USP20: variants seen among roughly 807,000 people sequenced by gnomAD.
The protein encoded by USP20 is ubiquitin specific peptidase 20, also known as ubiquitin carboxyl-terminal hydrolase 20.
In USP20, 80 loss-of-function variants were observed where a neutral mutation model predicts 124.2. The observed-to-expected ratio is 0.64, with a 90% CI of 0.54 to 0.78. USP20 has a LOEUF of 0.78. Among genes scored for constraint, USP20 ranks in the 30% least tolerant of loss-of-function variants. The probability of loss-of-function intolerance (pLI) is 0.00; values close to 1 mark genes in which losing one functional copy is unlikely to be tolerated. For missense variants in USP20, 1,043 were observed against 1,244.4 expected, an observed-to-expected ratio of 0.84 and a Z score of 2.44; for synonymous variants, 481 against 512.3, an observed-to-expected ratio of 0.94 and a Z score of 0.83.
Position 129,875,469 on chromosome 9 carries a change from C to T in USP20, c.2208C>T (p.Cys736=), listed in dbSNP as rs2034347609. ...CCATCACCAACCAGACCTTCCTCTG[C>T]TCCCACGGAGGTGAGGCGCCCCCTG... The part of the protein sequence containing the change: ...PGPITNQTFL[C]SHGGIPPHKY... Residue 736 remains cysteine (C), a synonymous_variant, in exon 20 of 26, where the codon TGC becomes TGT. Coordinates refer to ENST00000372429, the MANE Select transcript of USP20 (RefSeq NM_001110303.4). 1.2e-6 allele frequency: 2 copies of T among 1,613,072 alleles called. No individual in the cohort carries two copies. Among genetic ancestry groups the T allele is most frequent in the African/African-American group, 1.3e-5 (1 of 75,038 alleles).
chr9:129,868,980 A>G lies in USP20; in HGVS notation c.1254A>G (p.Ala418=), dbSNP rs1368009312. Residue 418 remains alanine (A), a synonymous_variant, in exon 12 of 26, where the codon GCA becomes GCG. Transcript: ENST00000372429. ...CTCGTGCAAGCCCCGTGAGGATGGC[A>G]CCGTCGTACGTGCTCAAGAAAGGTT... ...SPPRASPVRM[A]PSYVLKKAQV... 6.2e-6 allele frequency: 10 copies of G among 1,611,480 alleles called. No homozygotes were observed.
At chr9:129,873,071 T>TTTC (rs201859648) in intron 15 of USP20, among the ~76,000 whole-genome samples, 3 of 93,484 alleles carry the variant, frequency 3.2e-5, no homozygotes, top group South Asian at 4.4e-4. Context: ...TCTTTTTCTT[T>TTTC]TTCTTCTTCT....
At position 129,871,723 on chromosome 9, in the gene USP20, G is replaced by A. The variant is rs2034137842; in HGVS notation, c.1660+1176G>A. Among the ~76,000 whole-genome samples the A allele has an allele frequency of 3.9e-5, 6 of 152,196 alleles. No individual in the cohort carries two copies. The South Asian group carries it at 1.2e-3, about 32-fold the overall frequency. On this transcript the variant is annotated intron_variant, in intron 15 of 25. Coordinates refer to ENST00000372429, the MANE Select transcript of USP20 (RefSeq NM_001110303.4). ...TTGTGCGTTTTTTTTGTTTTGTTTT[G>A]TTTTGTTTTTGAGACGGAGTCTCTC...
intron 14 of USP20, 164 bp downstream of exon 14, chr9:129,870,008 A>G: frequency 1.3e-6 from 1 of 782,320 alleles, no homozygotes; most frequent in Non-Finnish European, 2.0e-6. Flanking sequence ...TATGCAGGGG[A>G]TTTCTTGGCT....
chr9:129,880,223 G>C lies in USP20; in HGVS notation c.2695G>C (p.Glu899Gln). Residue 899 changes from glutamate (E) to glutamine (Q), a missense_variant, in exon 25 of 26, where the codon GAG (glutamate) becomes CAG (glutamine). By Grantham distance (29) the Glu-to-Gln change is conservative. Transcript: ENST00000372429. ...RQSVAQPLGP[E>Q]NLHGEQKIEA... ...GAGTGTGGCGCAGCCGCTGGGCCCAGAGAACCTGCACGGGGAGCAGAAGAT... is the reference window on the plus strand; with the variant it reads ...GAGTGTGGCGCAGCCGCTGGGCCCACAGAACCTGCACGGGGAGCAGAAGAT... 3 of 1,613,302 alleles carry C rather than the reference G, an allele frequency of 1.9e-6. No individual in the cohort carries two copies. Among genetic ancestry groups the C allele is most frequent in the Non-Finnish European group, 2.5e-6 (3 of 1,179,858 alleles).
intron 14 of USP20, 85 bp from the exon 15 acceptor site, chr9:129,870,368 C>G: frequency 6.9e-7 from 1 of 1,442,728 alleles, no homozygotes; most frequent in Non-Finnish European, 9.6e-7. Context: ...GCGGCTCAGG[C>G]CTGACAGACC....
chr9:129,874,945 C>T lies in USP20; in HGVS notation c.2038C>T (p.Leu680Phe), dbSNP rs1341650928. The T allele has an allele frequency of 1.9e-6, 3 of 1,613,710 alleles. No individual in the cohort carries two copies. Among genetic ancestry groups the T allele is most frequent in the African/African-American group, 1.3e-5 (1 of 74,936 alleles). The change falls in exon 19 of 26, where the codon CTC becomes TTC. Residue 680 changes from leucine to phenylalanine, a missense_variant. Transcript: ENST00000372429. ...TVVQNAEGYV[L>F]FYRKSSEEAM... is the part of the protein sequence containing the mutation. ...GGTGCAGAACGCCGAGGGCTACGTA[C>T]TCTTCTACAGGTGGGCGCTGGGCCA... is the stretch of plus-strand genomic sequence containing the variant.
intron 9 of USP20, among the ~76,000 whole-genome samples, chr9:129,864,219 A>G (rs749171412): frequency 8.5e-5 from 13 of 152,150 alleles, no homozygotes; most frequent in Non-Finnish European, 1.6e-4. Flanking sequence ...CTGTAAATCC[A>G]GCACTTTGGG....
chr9:129,871,423 TCC>T (rs1230077565), intron 15 of USP20, among the ~76,000 whole-genome samples: 1 of 152,218 alleles, frequency 6.6e-6, no homozygotes, highest in Admixed American at 6.5e-5. Flanking sequence ...TATTCGTTCA[TCC>T]GTCAGTGGAC....
intron 14 of USP20, 133 bp from the exon 15 acceptor site, chr9:129,870,320 C>T (rs538741565): frequency 4.1e-5 from 37 of 913,108 alleles, no homozygotes; most frequent in Admixed American, 7.2e-5. Flanking sequence ...CCCGACCCGC[C>T]GTGCCCGGCT....
chr9:129,875,245 G>A lies in USP20; in HGVS notation c.2049-65G>A, dbSNP rs569518482. 26 of 1,488,106 alleles carry A rather than the reference G, an allele frequency of 1.7e-5. 1 individual carries two copies. The South Asian group carries it at 3.4e-4, about 19-fold the overall frequency. 92.2% of individuals were successfully genotyped at this position (1,488,106 alleles called of 1,614,324 possible). On this transcript the variant is annotated intron_variant, in intron 19 of 25. Coordinates refer to ENST00000372429, the MANE Select transcript of USP20 (RefSeq NM_001110303.4). ...TAGCCCGAGGTGCACTGGGATGGGG[G>A]CTCTGCATGTGTCTGAAGGTGGCAG...
In USP20 at chr9:129,875,598, G is replaced by T. The variant is rs1192757842; in HGVS notation, c.2257G>T (p.Val753Leu). 1.2e-6 allele frequency: 2 copies of T among 1,613,950 alleles called. No homozygotes were observed. Among genetic ancestry groups the T allele is most frequent in the Non-Finnish European group, 1.7e-6 (2 of 1,180,016 alleles). The part of the protein sequence containing the change: ...PHKYHYIDDL[V>L]VILPQNVWEH... Reference sequence around the variant, plus strand: ...CAAATACCACTACATCGACGACCTGGTGGTCATCCTGCCCCAGAACGTCTG... The same window carrying T: ...CAAATACCACTACATCGACGACCTGTTGGTCATCCTGCCCCAGAACGTCTG... The change falls in exon 21 of 26, where the codon GTG becomes TTG. Residue 753 changes from valine to leucine, a missense_variant. Coordinates refer to ENST00000372429, the MANE Select transcript of USP20 (RefSeq NM_001110303.4).
At position 129,865,995 on chromosome 9, in the gene USP20, T is replaced by G. The variant is rs2033803581; in HGVS notation, c.690+614T>G. 2.6e-5 allele frequency among the ~76,000 whole-genome samples: 4 copies of G among 152,228 alleles called. No homozygotes were observed. The South Asian group carries it at 8.3e-4, about 32-fold the overall frequency. ...ATCTAGAGAACCCTTTTGAAACCAATCACATTTTTCTATTTTATAAAATAA... is the reference window on the plus strand; with the variant it reads ...ATCTAGAGAACCCTTTTGAAACCAAGCACATTTTTCTATTTTATAAAATAA... On this transcript the variant is annotated intron_variant, in intron 10 of 25. Coordinates refer to ENST00000372429, the MANE Select transcript of USP20 (RefSeq NM_001110303.4).
At chr9:129,870,411 C>G (rs1162208012) in intron 14 of USP20, 42 bp from the exon 15 acceptor site, 1 of 1,600,782 alleles carries the variant, frequency 6.2e-7, no homozygotes, top group Admixed American at 1.7e-5. Flanking sequence ...CTGTTCTTGC[C>G]CAGGCCCTGG....
At chr9:129,852,787 A>C in intron 3 of USP20, 151 bp downstream of exon 3, 1 of 803,496 alleles carries the variant, frequency 1.2e-6, no homozygotes, top group Admixed American at 2.7e-5. Flanking sequence ...TCTGCTTGGG[A>C]GGCCGCCTTC....
intron 6 of USP20, 70 bp from the exon 7 acceptor site, chr9:129,860,867 G>A: frequency 6.6e-7 from 1 of 1,517,714 alleles, no homozygotes; most frequent in Non-Finnish European, 9.1e-7. Flanking sequence ...TCCAGCCCTT[G>A]GGAGACACCT....
At chr9:129,864,675 G>A (rs2033734880) in intron 9 of USP20, among the ~76,000 whole-genome samples, 1 of 150,690 alleles carries the variant, frequency 6.6e-6, no homozygotes, top group Admixed American at 6.6e-5. Flanking sequence ...TTGGGAGGCT[G>A]AGACAGGAGA....
rs374643880 is a variant in USP20 at position 129,875,350 on chromosome 9, G to A, written c.2089G>A (p.Val697Met). The change falls in exon 20 of 26, where the codon GTG (valine) becomes ATG (methionine). Residue 697 changes from valine (V) to methionine (M), a missense_variant. Physicochemically the swap from Val to Met is conservative, Grantham distance 21. Transcript: ENST00000372429. Reference sequence around the variant, plus strand: ...GGCCATGCGGGAGCGACAGCAGGTGGTGTCCCTGGCCGCCATGCGGGAGCC... The same window carrying A: ...GGCCATGCGGGAGCGACAGCAGGTGATGTCCCTGGCCGCCATGCGGGAGCC... ...EEAMRERQQV[V>M]SLAAMREPSL... is the part of the protein sequence containing the mutation. 1 of 1,612,466 alleles carries A rather than the reference G, an allele frequency of 6.2e-7. No homozygotes were observed. The highest frequency in any genetic ancestry group is 8.5e-7 in the Non-Finnish European group (1 of 1,179,658).
At chr9:129,865,826 G>A (rs956088326) in intron 10 of USP20, among the ~76,000 whole-genome samples, 5 of 152,086 alleles carry the variant, frequency 3.3e-5, no homozygotes, top group South Asian at 2.1e-4. Context: ...CACTGCACCC[G>A]GCGGAGGGGA....
Sources: gnomAD v4.1 joint callset for allele counts (sites outside exome capture counted in the v4.1 genomes callset) on GRCh38, gnomAD v4.1.1 for gene constraint, MANE v1.5 for transcripts, NCBI Gene and HGNC (gene_info 2026-07-23, HGNC 2026-07-21) for gene names.